STX8: variants seen among roughly 807,000 people sequenced by gnomAD.
STX8 encodes the protein syntaxin 8, also known as syntaxin-8.
Under a neutral mutation model 37.5 loss-of-function variants are expected in STX8, and 23 were observed. That is an observed-to-expected ratio of 0.61 (90% confidence interval 0.44 to 0.87). The LOEUF (loss-of-function observed/expected upper bound fraction) is 0.87, where lower values mean the gene tolerates loss of function less well. Ranked by LOEUF, STX8 falls within the 40% of genes least tolerant of loss-of-function variation. STX8 has a pLI of 0.00. For synonymous variants in STX8, 115 were observed against 99.1 expected (o/e 1.16, Z -0.95); for missense variants, 313 against 284.7 (o/e 1.10, Z -0.71).
At chr17:9,502,081 G>A (rs993851245) in intron 5 of STX8, among the ~76,000 whole-genome samples, 3 of 152,180 alleles carry the variant, frequency 2.0e-5, no homozygotes, top group Non-Finnish European at 4.4e-5. Context: ...GGAGAAAAGC[G>A]AATCCCTGCA....
At chr17:9,494,657 A>G (rs1780331034) in intron 5 of STX8, among the ~76,000 whole-genome samples, 1 of 147,946 alleles carries the variant, frequency 6.8e-6, no homozygotes, top group Admixed American at 6.7e-5. Flanking sequence ...AAAACAAAGT[A>G]TAGTACAACA....
intron 7 of STX8, among the ~76,000 whole-genome samples, chr17:9,342,671 G>GT (rs1239994554): frequency 6.6e-6 from 1 of 152,066 alleles, no homozygotes; most frequent in Non-Finnish European, 1.5e-5. Context: ...GATGAATTTG[G>GT]TTTAAACTTT....
Position 9,505,037 on chromosome 17 carries a change from C to T in STX8, c.448+1G>A. On this transcript the variant is annotated splice_donor_variant, in intron 5 of 7. Coordinates refer to ENST00000306357, the MANE Select transcript of STX8 (RefSeq NM_004853.3). LOFTEE classifies it high-confidence loss of function. ...CCCACACTCCTCAGGATATTTAGTA[C>T]CTTGGATAATTTTCTGCTGCTGTTG... is the stretch of plus-strand genomic sequence containing the variant. 1.3e-6 allele frequency: 2 copies of T among 1,596,726 alleles called. No homozygotes were observed. Among genetic ancestry groups the T allele is most frequent in the South Asian group, 2.2e-5 (2 of 90,744 alleles).
chr17:9,423,092 A>T (rs1352972624), intron 6 of STX8, among the ~76,000 whole-genome samples: 1 of 152,214 alleles, frequency 6.6e-6, no homozygotes, highest in Admixed American at 6.5e-5. Flanking sequence ...ATAACCCATA[A>T]ATAAGTGCAT....
chr17:9,486,870 T>C (rs193246876), intron 6 of STX8, among the ~76,000 whole-genome samples: 16 of 152,152 alleles, frequency 1.1e-4, no homozygotes, highest in Admixed American at 2.6e-4. Context: ...AACTCTGGGT[T>C]CTGGAGAAGT....
At chr17:9,268,926 G>A (rs1217486941) in intron 7 of STX8, among the ~76,000 whole-genome samples, 4 of 152,198 alleles carry the variant, frequency 2.6e-5, no homozygotes, top group South Asian at 4.1e-4. Context: ...AGTGGCTCAC[G>A]CCTGTAATCC....
At chr17:9,437,503 T>C (rs1039450631) in intron 6 of STX8, among the ~76,000 whole-genome samples, 3 of 152,090 alleles carry the variant, frequency 2.0e-5, no homozygotes, top group African/African-American at 7.2e-5. Flanking sequence ...AGTGAAAAAA[T>C]GAAATTGCAG....
At chr17:9,377,503 C>T (rs942383663) in intron 7 of STX8, among the ~76,000 whole-genome samples, 3 of 152,110 alleles carry the variant, frequency 2.0e-5, no homozygotes, top group Non-Finnish European at 4.4e-5. Context: ...CAGGGTCTCA[C>T]TCTGTCACCC....
chr17:9,428,045 A>G (rs1424791191), intron 6 of STX8, among the ~76,000 whole-genome samples: 1 of 151,914 alleles, frequency 6.6e-6, no homozygotes, highest in Non-Finnish European at 1.5e-5. Context: ...ACAGAACTGC[A>G]CTCCTAGGAC....
At chr17:9,344,633 T>C (rs1910475530) in intron 7 of STX8, among the ~76,000 whole-genome samples, 2 of 152,136 alleles carry the variant, frequency 1.3e-5, no homozygotes, top group South Asian at 4.1e-4. Flanking sequence ...CCCACACTGC[T>C]GTCTCTGGCC....
intron 6 of STX8, among the ~76,000 whole-genome samples, chr17:9,422,868 A>G (rs2142353902): frequency 6.6e-6 from 1 of 152,338 alleles, no homozygotes. Context: ...TGATCACTGA[A>G]GCGCTGTTTA....
intron 3 of STX8, among the ~76,000 whole-genome samples, chr17:9,546,476 G>C (rs1445107202): frequency 4.3e-4 from 4 of 9,202 alleles, no homozygotes; most frequent in African/African-American, 1.9e-3. Flanking sequence ...CGAGAATGCG[G>C]CGCGTGCGCA....
intron 6 of STX8, among the ~76,000 whole-genome samples, chr17:9,379,869 G>A (rs1237762315): frequency 1.3e-5 from 2 of 152,014 alleles, no homozygotes; most frequent in Non-Finnish European, 2.9e-5. Context: ...TCGGGAGGCT[G>A]AGGCAGGAGA....
At chr17:9,501,747 G>A (rs546898509) in intron 5 of STX8, among the ~76,000 whole-genome samples, 24 of 152,184 alleles carry the variant, frequency 1.6e-4, no homozygotes, top group African/African-American at 5.8e-4. Context: ...GCCGAGGCAG[G>A]CGGATCACGA....
At chr17:9,266,068 TGCC>T (rs1597572843) in intron 7 of STX8, among the ~76,000 whole-genome samples, 1 of 152,104 alleles carries the variant, frequency 6.6e-6, no homozygotes, top group East Asian at 1.9e-4. Context: ...AAGACTAGGG[TGCC>T]TTCCTACACG....
At chr17:9,318,264 C>T (rs1467566073) in intron 7 of STX8, among the ~76,000 whole-genome samples, 13 of 151,900 alleles carry the variant, frequency 8.6e-5, no homozygotes, top group African/African-American at 3.1e-4. Context: ...AATGCTATCC[C>T]TCCCCCAGCC....
chr17:9,298,461 C>G (rs1908644735), intron 7 of STX8, among the ~76,000 whole-genome samples: 1 of 152,166 alleles, frequency 6.6e-6, no homozygotes, highest in African/African-American at 2.4e-5. Context: ...CTTTGTCTTT[C>G]CCTCTTCCAA....
At chr17:9,525,728 T>C (rs1905541191) in intron 4 of STX8, among the ~76,000 whole-genome samples, 2 of 152,182 alleles carry the variant, frequency 1.3e-5, no homozygotes, top group Admixed American at 6.5e-5. Flanking sequence ...CTATCATGTA[T>C]GGTCCAGAGT....
chr17:9,502,380 G>A (rs556941335), intron 5 of STX8, among the ~76,000 whole-genome samples: 18 of 152,266 alleles, frequency 1.2e-4, no homozygotes, highest in Middle Eastern at 3.4e-3. Context: ...TCAAAAGATC[G>A]ACTGTACAAC....
Sources: allele counts gnomAD v4.1 joint callset (sites outside exome capture counted in the v4.1 genomes callset), GRCh38; gene constraint gnomAD v4.1.1; transcripts MANE v1.5; gene names NCBI Gene and HGNC (gene_info 2026-07-23, HGNC 2026-07-21).